The following WWC2 variants were observed in gnomAD, a reference collection of about 807,000 sequenced individuals.
The protein encoded by WWC2 is WW and C2 domain containing 2.
A neutral mutation model predicts 138.5 loss-of-function variants in WWC2; 101 were observed. The ratio of observed to expected loss-of-function variants is 0.73; its 90% CI spans 0.62 to 0.86. The LOEUF is 0.86. Among genes scored for constraint, WWC2 ranks in the 40% least tolerant of loss-of-function variants. The pLI is 0.00. For missense variants in WWC2, 1,420 were observed against 1,419.4 expected (o/e 1.00, Z -0.01); for synonymous variants, 558 against 538.4 (o/e 1.04, Z -0.50).
intron 12 of WWC2, among the ~76,000 whole-genome samples, 156 bp from the exon 13 acceptor site, chr4:183,265,532 T>C (rs1047945424): frequency 1.3e-5 from 2 of 152,228 alleles, no homozygotes; most frequent in Admixed American, 1.3e-4. Flanking sequence ...AAAGAGCCTC[T>C]GAAACAGTAA....
chr4:183,253,599 C>T (rs1737043734), intron 8 of WWC2, among the ~76,000 whole-genome samples, 158 bp from the exon 9 acceptor site: 1 of 152,116 alleles, frequency 6.6e-6, no homozygotes, highest in Admixed American at 6.5e-5. Context: ...GGCTGCTGCT[C>T]CCACTCCGGC....
At chr4:183,232,061 G>A (rs767608483) in intron 4 of WWC2, among the ~76,000 whole-genome samples, 1 of 152,106 alleles carries the variant, frequency 6.6e-6, no homozygotes, top group Non-Finnish European at 1.5e-5. Flanking sequence ...AGAGCGTGTC[G>A]GCCTGACACA....
In WWC2 at chr4:183,282,884, C is replaced by T. The variant is rs147985571; in HGVS notation, c.2861C>T (p.Pro954Leu). The T allele has an allele frequency of 1.1e-3, 1,688 of 1,585,316 alleles. 20 individuals carry two copies. In the African/African-American group the frequency reaches 0.02, roughly 19 times the overall value. The part of the protein sequence containing the change: ...SNCAKDLRSQ[P>L]PTRIPTLVDK... Reference sequence around the variant, plus strand: ...TGTGCCAAAGACCTCAGAAGTCAGCCACCTACTAGAATACCAACACTGGTG... The same window carrying T: ...TGTGCCAAAGACCTCAGAAGTCAGCTACCTACTAGAATACCAACACTGGTG... The change falls in exon 18 of 23, where the codon CCA (proline) becomes CTA (leucine). Residue 954 changes from proline to leucine, a missense_variant. Physicochemically the swap from Pro to Leu is moderately conservative, Grantham distance 98. Transcript: ENST00000403733.
At chr4:183,149,188 C>T (rs1393468080) in intron 1 of WWC2, among the ~76,000 whole-genome samples, 1 of 152,074 alleles carries the variant, frequency 6.6e-6, no homozygotes, top group Non-Finnish European at 1.5e-5. Flanking sequence ...ACTTTGCCAG[C>T]CACCCCAGAA....
At chr4:183,234,728 T>C (rs1332262799) in intron 4 of WWC2, among the ~76,000 whole-genome samples, 1 of 152,094 alleles carries the variant, frequency 6.6e-6, no homozygotes, top group Non-Finnish European at 1.5e-5. Flanking sequence ...AGTTTGAGGA[T>C]TGAAAATGGG....
chr4:183,290,516 CAAAAAA>C (rs11451373), intron 21 of WWC2, among the ~76,000 whole-genome samples: 1 of 110,116 alleles, frequency 9.1e-6, no homozygotes, highest in African/African-American at 3.5e-5. Context: ...GACTCCATCT[CAAAAAA>C]AAAAAAAACA....
intron 2 of WWC2, among the ~76,000 whole-genome samples, chr4:183,201,387 G>A (rs1257051411): frequency 6.6e-6 from 1 of 152,212 alleles, no homozygotes; most frequent in East Asian, 1.9e-4. Context: ...ACTTTAGCCA[G>A]TGAGTGTGAG....
At chr4:183,238,101 A>G (rs1157137576) in intron 4 of WWC2, among the ~76,000 whole-genome samples, 1 of 152,194 alleles carries the variant, frequency 6.6e-6, no homozygotes, top group Non-Finnish European at 1.5e-5. Flanking sequence ...TCAAGTCCAC[A>G]TATTCTAGTT....
chr4:183,240,512 C>G (rs1382470162), intron 5 of WWC2: 2 of 358,312 alleles, frequency 5.6e-6, no homozygotes, highest in Non-Finnish European at 9.9e-6. Context: ...AAGTGAAAAG[C>G]CTTTGTCTTA....
At chr4:183,220,412 T>C (rs1735887790) in intron 4 of WWC2, among the ~76,000 whole-genome samples, 1 of 152,096 alleles carries the variant, frequency 6.6e-6, no homozygotes, top group Non-Finnish European at 1.5e-5. Context: ...TTTTTCTACT[T>C]TTCTTGGATA....
chr4:183,286,165 G>A (rs572191288), intron 20 of WWC2, 106 bp downstream of exon 20: 34 of 1,093,696 alleles, frequency 3.1e-5, no homozygotes, highest in South Asian at 4.2e-5. Context: ...TGCTCCATGC[G>A]CTTGGCCTAC....
chr4:183,103,316 G>A (rs1483149541), intron 1 of WWC2, among the ~76,000 whole-genome samples: 1 of 151,362 alleles, frequency 6.6e-6, no homozygotes, highest in Non-Finnish European at 1.5e-5. Context: ...TAGGATCAGA[G>A]GAACTCTGTA....
chr4:183,245,738 C>T (rs940872662), intron 6 of WWC2, among the ~76,000 whole-genome samples, 193 bp downstream of exon 6: 15 of 152,114 alleles, frequency 9.9e-5, no homozygotes, highest in African/African-American at 3.6e-4. Context: ...CAGAGTGATT[C>T]CAACTGACTG....
intron 19 of WWC2, among the ~76,000 whole-genome samples, chr4:183,284,937 CATA>C (rs1738196854): frequency 6.6e-6 from 1 of 152,082 alleles, no homozygotes; most frequent in South Asian, 2.1e-4. Flanking sequence ...GTAAGATAGA[CATA>C]ATATTATAAA....
At chr4:183,117,215 C>CTTTTTTTTTTTT (rs923478529) in intron 1 of WWC2, among the ~76,000 whole-genome samples, 2 of 95,666 alleles carry the variant, frequency 2.1e-5, no homozygotes, top group African/African-American at 4.3e-5. Context: ...CATTCTTCTT[C>CTTTTTTTTTTTT]TTTTTTTTTT....
chr4:183,250,138 C>T, intron 8 of WWC2, 145 bp downstream of exon 8: 1 of 667,972 alleles, frequency 1.5e-6, no homozygotes, highest in Non-Finnish European at 2.5e-6. Flanking sequence ...AGGGCTGCTT[C>T]CTCTCTGGTC....
intron 1 of WWC2, among the ~76,000 whole-genome samples, chr4:183,104,205 C>T (rs775341830): frequency 2.6e-5 from 4 of 152,134 alleles, no homozygotes; most frequent in Non-Finnish European, 5.9e-5. Context: ...TCTATGAACC[C>T]ACTGCTAGAC....
At chr4:183,125,434 A>G (rs1732730004) in intron 1 of WWC2, among the ~76,000 whole-genome samples, 1 of 152,244 alleles carries the variant, frequency 6.6e-6, no homozygotes, top group African/African-American at 2.4e-5. Flanking sequence ...AAAAGTTTTC[A>G]AAAATGCTAT....
At chr4:183,142,674 G>A (rs150923740) in intron 1 of WWC2, among the ~76,000 whole-genome samples, 54 of 152,252 alleles carry the variant, frequency 3.5e-4, no homozygotes, top group African/African-American at 1.2e-3. Flanking sequence ...GAGCTGTGTC[G>A]TGTCTGTCTT....
Sources: gnomAD v4.1 joint callset for allele counts (sites outside exome capture counted in the v4.1 genomes callset) on GRCh38, gnomAD v4.1.1 for gene constraint, MANE v1.5 for transcripts, NCBI Gene and HGNC (gene_info 2026-07-23, HGNC 2026-07-21) for gene names.